Variants in PPARD observed in about 807,000 individuals in gnomAD.
PPARD encodes peroxisome proliferator-activated receptor delta.
PPARD carries 6 observed loss-of-function variants against 39.5 expected under a neutral mutation model. The observed-to-expected ratio is 0.15, with a 90% confidence interval of 0.08 to 0.30. The LOEUF (loss-of-function observed/expected upper bound fraction) is 0.30. Among genes scored for constraint, PPARD ranks in the 10% least tolerant of loss-of-function variants. The pLI, the probability that PPARD is intolerant of heterozygous loss-of-function variation, is 1.00. For missense variants in PPARD, 397 were observed against 596.8 expected, an observed-to-expected ratio of 0.67 and a Z score of 3.49; for synonymous variants, 210 against 231.3, an observed-to-expected ratio of 0.91 and a Z score of 0.83.
chr6:35,387,202 C>CCCCCA (rs201943580), intron 2 of PPARD, among the ~76,000 whole-genome samples: 3,198 of 151,790 alleles, frequency 0.021, 68 homozygotes, highest in African/African-American at 0.052. Context: ...GGGTTGCTGT[C>CCCCCA]GGTGAGCTCA....
chr6:35,368,515 C>T (rs570241661), intron 2 of PPARD, among the ~76,000 whole-genome samples: 3 of 152,166 alleles, frequency 2.0e-5, no homozygotes, highest in Non-Finnish European at 4.4e-5. Flanking sequence ...TTAGAATTCC[C>T]AGGGATGGCG....
At chr6:35,421,255 G>C (rs569208888) in intron 4 of PPARD, among the ~76,000 whole-genome samples, 11 of 151,010 alleles carry the variant, frequency 7.3e-5, no homozygotes, top group Non-Finnish European at 1.6e-4. Flanking sequence ...GAGCCACTGT[G>C]TCCAGCCCCA....
chr6:35,373,842 T>C (rs867252456), intron 2 of PPARD, among the ~76,000 whole-genome samples: 1 of 152,072 alleles, frequency 6.6e-6, no homozygotes, highest in African/African-American at 2.4e-5. Context: ...TAATTTTTTT[T>C]GTATTTTTTG....
intron 4 of PPARD, among the ~76,000 whole-genome samples, chr6:35,420,819 C>CTTTTTTTTTTTTTT (rs35852986): frequency 4.7e-5 from 4 of 85,708 alleles, no homozygotes; most frequent in African/African-American, 8.4e-5. Flanking sequence ...AACAAAGAAG[C>CTTTTTTTTTTTTTT]TTTTTTTTTT....
At chr6:35,394,008 T>G (rs541391415) in intron 2 of PPARD, among the ~76,000 whole-genome samples, 1 of 152,372 alleles carries the variant, frequency 6.6e-6, no homozygotes, top group South Asian at 2.1e-4. Context: ...ACAAGACTCC[T>G]GACTCTTCTA....
rs201512966 is a variant in PPARD at position 35,420,115 on chromosome 6, G to A, written c.131-12G>A. 44 of 1,609,750 alleles carry A rather than the reference G, an allele frequency of 2.7e-5. No homozygotes were observed. Among genetic ancestry groups the A allele is most frequent in the South Asian group, 4.4e-5 (4 of 90,894 alleles). Reference sequence around the variant, plus strand: ...CAGCATGTGGAGCTGCCCCTCCATCGTGTGTCCGCAGACCTCTCCCGGAGC... The same window carrying A: ...CAGCATGTGGAGCTGCCCCTCCATCATGTGTCCGCAGACCTCTCCCGGAGC... On this transcript the variant is annotated splice_polypyrimidine_tract_variant and intron_variant, in intron 3 of 7. Transcript: ENST00000360694.
At position 35,425,179 on chromosome 6, in the gene PPARD, C is replaced by G; in HGVS notation, c.1078+400C>G. 2 of 840,714 alleles carry G rather than the reference C, an allele frequency of 2.4e-6. No homozygotes were observed. The highest frequency in any genetic ancestry group is 2.9e-6 in the Non-Finnish European group (2 of 680,006). 52.1% of individuals were successfully genotyped at this position (840,714 alleles called of 1,614,324 possible). A position where few individuals can be genotyped will look rare whatever the true frequency, so the allele number is the denominator to read the frequency against. The stretch of plus-strand genomic sequence containing the variant: ...ATCCCAGCTACTTGGGAGGCTGAGC[C>G]AGGAGAATCGCTTGAACCCGAGAGG... On this transcript the variant is annotated intron_variant, in intron 7 of 7. Transcript: ENST00000360694. The surrounding 1 kb of genome is among the most constrained non-coding windows in gnomAD (Gnocchi z 4.5).
At chr6:35,377,885 GAC>G (rs1762909521) in intron 2 of PPARD, among the ~76,000 whole-genome samples, 1 of 91,564 alleles carries the variant, frequency 1.1e-5, no homozygotes, top group Non-Finnish European at 1.8e-5. Context: ...TTTTTTTTGA[GAC>G]AGAGTGTTGC....
chr6:35,384,280 A>C (rs1232170766), intron 2 of PPARD, among the ~76,000 whole-genome samples: 16 of 120,942 alleles, frequency 1.3e-4, no homozygotes, highest in East Asian at 2.6e-4. Context: ...GCCCCCCGCC[A>C]GGCCAGCCGC....
intron 2 of PPARD, among the ~76,000 whole-genome samples, chr6:35,379,294 G>A (rs570089393): frequency 6.6e-6 from 1 of 151,934 alleles, no homozygotes; most frequent in Non-Finnish European, 1.5e-5. Context: ...AGTAGAGATG[G>A]GGTTTTACCA....
intron 2 of PPARD, among the ~76,000 whole-genome samples, chr6:35,347,411 G>T (rs1365817471): frequency 1.3e-5 from 2 of 152,066 alleles, no homozygotes; most frequent in Non-Finnish European, 2.9e-5. Flanking sequence ...ACTCCACAGG[G>T]CAGGGAGTTG....
chr6:35,351,423 C>T (rs1249911821), intron 2 of PPARD, among the ~76,000 whole-genome samples: 1 of 152,194 alleles, frequency 6.6e-6, no homozygotes, highest in Admixed American at 6.5e-5. Context: ...AATATCACCA[C>T]TGATCTCATT....
At chr6:35,370,088 G>GT (rs1429173657) in intron 2 of PPARD, among the ~76,000 whole-genome samples, 1 of 152,186 alleles carries the variant, frequency 6.6e-6, no homozygotes, top group African/African-American at 2.4e-5. Flanking sequence ...TTGAATCTGG[G>GT]TTAATTTGTA....
At chr6:35,351,626 C>T (rs1367841452) in intron 2 of PPARD, among the ~76,000 whole-genome samples, 6 of 152,152 alleles carry the variant, frequency 3.9e-5, no homozygotes, top group African/African-American at 1.2e-4. Context: ...AGTCATAGCT[C>T]ACTTGCAGCC....
At chr6:35,350,248 T>C (rs373129306) in intron 2 of PPARD, among the ~76,000 whole-genome samples, 1 of 152,228 alleles carries the variant, frequency 6.6e-6, no homozygotes, top group South Asian at 2.1e-4. Flanking sequence ...GTGCAGAAAC[T>C]GTTTAATGTG....
At chr6:35,394,724 T>C (rs1350002823) in intron 2 of PPARD, among the ~76,000 whole-genome samples, 1 of 150,110 alleles carries the variant, frequency 6.7e-6, no homozygotes, top group Non-Finnish European at 1.5e-5. Context: ...TGAGCCGAGA[T>C]CATGCCACTG....
At chr6:35,404,792 GCTT>G (rs1257660966) in intron 2 of PPARD, among the ~76,000 whole-genome samples, 3 of 152,200 alleles carry the variant, frequency 2.0e-5, no homozygotes, top group African/African-American at 7.2e-5. Flanking sequence ...TTTGGGTTAA[GCTT>G]CTAACTACCA....
At chr6:35,415,242 A>G (rs1765677294) in intron 3 of PPARD, among the ~76,000 whole-genome samples, 1 of 152,230 alleles carries the variant, frequency 6.6e-6, no homozygotes, top group South Asian at 2.1e-4. Flanking sequence ...AGTTCAGGCA[A>G]ACAGGACAGC....
chr6:35,355,012 G>C (rs1017284938), intron 2 of PPARD, among the ~76,000 whole-genome samples: 1 of 152,138 alleles, frequency 6.6e-6, no homozygotes, highest in Non-Finnish European at 1.5e-5. Context: ...GGAAATGCTG[G>C]CTTGTCCTCT....
Sources: allele counts gnomAD v4.1 joint callset (sites outside exome capture counted in the v4.1 genomes callset), GRCh38; gene constraint gnomAD v4.1.1; non-coding constraint Gnocchi (gnomAD v3.1); transcripts MANE v1.5; gene names NCBI Gene and HGNC (gene_info 2026-07-23, HGNC 2026-07-21).